Variants in MAB21L4 observed in about 807,000 individuals in gnomAD.
MAB21L4 encodes the protein protein mab-21-like 4.
Under a neutral mutation model 32.4 loss-of-function variants are expected in MAB21L4, and 25 were observed. The ratio of observed to expected loss-of-function variants is 0.77; its 90% CI spans 0.56 to 1.08. The LOEUF is 1.08. Among genes scored for constraint, MAB21L4 ranks in the 50% least tolerant of loss-of-function variants. The pLI, the probability that MAB21L4 is intolerant of heterozygous loss-of-function variation, is 0.00. For missense variants in MAB21L4, 638 were observed against 611.0 expected, an observed-to-expected ratio of 1.04 and a Z score of -0.47; for synonymous variants, 280 against 276.8, an observed-to-expected ratio of 1.01 and a Z score of -0.11.
chr2:240,892,626 G>A (rs868299934), intron 1 of MAB21L4, among the ~76,000 whole-genome samples: 49 of 151,560 alleles, frequency 3.2e-4, no homozygotes, highest in African/African-American at 1.0e-3. Context: ...AGCCACCCCC[G>A]TTTCTGGGCT....
rs1329545640 is a variant in MAB21L4 at position 240,895,587 on chromosome 2, G to A, written c.411C>T (p.Ala137=). Residue 137 remains alanine (A), a synonymous_variant, in exon 1 of 5, where the codon GCC becomes GCT. Transcript: ENST00000388934. ...DTFTASSEGD[A]KCRGHIVPSK... is the part of the protein sequence containing the mutation. ...TGGGCACAATGTGTCCACGGCACTTGGCGTCACCCTCCGAGGAGGCAGTGA... is the reference window on the plus strand; with the variant it reads ...TGGGCACAATGTGTCCACGGCACTTAGCGTCACCCTCCGAGGAGGCAGTGA... 1 of 1,612,626 alleles carries A rather than the reference G, an allele frequency of 6.2e-7. No homozygotes were observed. Among genetic ancestry groups the A allele is most frequent in the African/African-American group, 1.3e-5 (1 of 74,928 alleles).
chr2:240,888,845 G>A (rs964317400), intron 3 of MAB21L4, among the ~76,000 whole-genome samples, 197 bp from the exon 4 acceptor site: 8 of 136,922 alleles, frequency 5.8e-5, no homozygotes, highest in African/African-American at 1.3e-4. Flanking sequence ...GCTGGCTCCC[G>A]AAGGCATGAA....
rs1461668712 is a variant in MAB21L4 at position 240,887,166 on chromosome 2, C to T, written c.1252-4G>A. Reference sequence around the variant, plus strand: ...CCTGGATGTTGAAGACCTGGAACTACAGGCAGGGTTGCAGGGGAGAAGGGT... The same window carrying T: ...CCTGGATGTTGAAGACCTGGAACTATAGGCAGGGTTGCAGGGGAGAAGGGT... On this transcript the variant is annotated splice_region_variant and splice_polypyrimidine_tract_variant and intron_variant, in intron 4 of 4. Coordinates refer to ENST00000388934, the MANE Select transcript of MAB21L4 (RefSeq NM_001085437.3). 1.9e-6 allele frequency: 3 copies of T among 1,613,034 alleles called. No homozygotes were observed. The highest frequency in any genetic ancestry group is 2.5e-6 in the Non-Finnish European group (3 of 1,179,086).
intron 1 of MAB21L4, among the ~76,000 whole-genome samples, chr2:240,894,824 A>C (rs1243891644): frequency 7.6e-6 from 1 of 131,430 alleles, no homozygotes; most frequent in African/African-American, 3.1e-5. Flanking sequence ...AAGGCCCCAG[A>C]GGAGAGACTG....
Position 240,887,009 on chromosome 2 carries a change from T to G in MAB21L4, c.*61A>C. On this transcript the variant is annotated 3_prime_UTR_variant, in exon 5 of 5. Transcript: ENST00000388934. ...TTCCAAACATCCCAGGAGCCTCCCA[T>G]GGTGCAGTGCAGAGTCTGTTGGGGA... The G allele has an allele frequency of 1.6e-6, 2 of 1,263,436 alleles. No homozygotes were observed. The highest frequency in any genetic ancestry group is 2.3e-6 in the Non-Finnish European group (2 of 865,314). The allele number at this position is 1,263,436 out of a possible 1,614,324, so 78.3% of individuals were successfully genotyped here. A position where few individuals can be genotyped will look rare whatever the true frequency, so the allele number is the denominator to read the frequency against.
chr2:240,888,904 A>AGCTCCTCCTTT (rs1269716147), intron 3 of MAB21L4, among the ~76,000 whole-genome samples: 31 of 130,266 alleles, frequency 2.4e-4, no homozygotes, highest in African/African-American at 8.5e-4. Context: ...ACCCCACCCC[A>AGCTCCTCCTTT]GCTCCTCCTT....
intron 1 of MAB21L4, among the ~76,000 whole-genome samples, chr2:240,894,746 C>T (rs557406990): frequency 6.6e-6 from 1 of 152,250 alleles, no homozygotes; most frequent in Admixed American, 6.5e-5. Flanking sequence ...CGGAGTGAGC[C>T]AAGATCGTGC....
chr2:240,888,800 A>G, intron 3 of MAB21L4, 152 bp from the exon 4 acceptor site: 2 of 544,564 alleles, frequency 3.7e-6, no homozygotes, highest in African/African-American at 4.0e-5. Context: ...TCCCAGTCGG[A>G]GTCCCAGGCC....
At position 240,894,217 on chromosome 2, in the gene MAB21L4, C is replaced by A. The variant is rs2059172543; in HGVS notation, c.514+1267G>T. The stretch of plus-strand genomic sequence containing the variant: ...ATGGCCTCTCGCGAAGGTGAGCTGA[C>A]CCCACCCGCTGACCTCACGGAGGAC... On this transcript the variant is annotated intron_variant, in intron 1 of 4. Coordinates refer to ENST00000388934, the MANE Select transcript of MAB21L4 (RefSeq NM_001085437.3). Among the ~76,000 whole-genome samples the A allele has an allele frequency of 2.0e-5, 3 of 152,002 alleles. 1 individual carries two copies. Among genetic ancestry groups the A allele is most frequent in the South Asian group, 4.2e-4 (2 of 4,818 alleles).
At chr2:240,893,574 G>A (rs143653067) in intron 1 of MAB21L4, among the ~76,000 whole-genome samples, 62 of 152,342 alleles carry the variant, frequency 4.1e-4, no homozygotes, top group African/African-American at 1.3e-3. Flanking sequence ...TGGTCTCACC[G>A]GTTCCCAGGG....
intron 2 of MAB21L4, among the ~76,000 whole-genome samples, chr2:240,890,928 G>A (rs1041740984): frequency 6.6e-6 from 1 of 152,244 alleles, no homozygotes; most frequent in Non-Finnish European, 1.5e-5. Context: ...TTCCTTGCAG[G>A]GGAAAACCAC....
At chr2:240,890,723 G>T (rs12464586) in intron 2 of MAB21L4, among the ~76,000 whole-genome samples, 1 of 152,048 alleles carries the variant, frequency 6.6e-6, no homozygotes, top group East Asian at 1.9e-4. Flanking sequence ...AGTGTCCCCC[G>T]CAAGCCTACA....
chr2:240,896,633 G>C (rs1427317620), upstream of MAB21L4, among the ~76,000 whole-genome samples: 1 of 152,188 alleles, frequency 6.6e-6, no homozygotes. Flanking sequence ...CTGCGTCTCT[G>C]CAATGTTCCC....
At chr2:240,890,650 T>TGTTG (rs1278081609) in intron 2 of MAB21L4, among the ~76,000 whole-genome samples, 1 of 152,184 alleles carries the variant, frequency 6.6e-6, no homozygotes, top group Non-Finnish European at 1.5e-5. Context: ...TGGTGGAGCC[T>TGTTG]TGGCAATGCA....
chr2:240,890,185 C>A, intron 2 of MAB21L4, 27 bp from the exon 3 acceptor site: 1 of 1,564,644 alleles, frequency 6.4e-7, no homozygotes, highest in Non-Finnish European at 8.7e-7. Flanking sequence ...CGCACTGGGT[C>A]AGCCCCCGCC....
chr2:240,895,668 G>A lies in MAB21L4; in HGVS notation c.330C>T (p.His110=), dbSNP rs375087355. 48 of 1,612,942 alleles carry A rather than the reference G, an allele frequency of 3.0e-5. No homozygotes were observed. The African/African-American group carries it at 5.7e-4, about 19-fold the overall frequency. Residue 110 remains histidine, a synonymous_variant, in exon 1 of 5, where the codon CAC becomes CAT. Coordinates refer to ENST00000388934, the MANE Select transcript of MAB21L4 (RefSeq NM_001085437.3). Reference sequence around the variant, plus strand: ...CAGCCCCTTCCCTGGGCACACCCAGGTGGCATAATTCAAGGCCATCCTCCG... The same window carrying A: ...CAGCCCCTTCCCTGGGCACACCCAGATGGCATAATTCAAGGCCATCCTCCG... ...TQPEDGLELC[H]LGVPREGAGL... is the part of the protein sequence containing the mutation.
rs115234240 is a variant in MAB21L4, at chr2:240,895,409, C to T, written c.514+75G>A. ...GCAATCACACACATGTGCACTCACA[C>T]ACTTGCACACAGACACCCACACAGC... is the stretch of plus-strand genomic sequence containing the variant. On this transcript the variant is annotated intron_variant, in intron 1 of 4. Coordinates refer to ENST00000388934, the MANE Select transcript of MAB21L4 (RefSeq NM_001085437.3). The T allele has an allele frequency of 1.1e-3, 1,454 of 1,367,596 alleles. 14 individuals carry two copies. In the African/African-American group the frequency reaches 0.02, roughly 18 times the overall value. The allele number at this position is 1,367,596 out of a possible 1,614,324, so 84.7% of individuals were successfully genotyped here.
chr2:240,892,748 C>G (rs879882756), intron 1 of MAB21L4, among the ~76,000 whole-genome samples: 5 of 152,226 alleles, frequency 3.3e-5, no homozygotes, highest in Admixed American at 1.3e-4. Context: ...CCCTGTCCCC[C>G]ACAGGAGGCA....
chr2:240,890,289 C>T lies in MAB21L4; in HGVS notation c.741-131G>A, dbSNP rs112671708. The T allele has an allele frequency of 1.3e-3, 1,453 of 1,152,396 alleles. 9 individuals are homozygous for T. The African/African-American group carries it at 0.02, about 16-fold the overall frequency. 71.4% of individuals were successfully genotyped at this position (1,152,396 alleles called of 1,614,324 possible). On this transcript the variant is annotated intron_variant, in intron 2 of 4. Coordinates refer to ENST00000388934, the MANE Select transcript of MAB21L4 (RefSeq NM_001085437.3). ...GCTGCGTCTGCTGGTGGGACCCAGCCGGAACCCAGGCTTCTCGGGAGCTGC... is the reference window on the plus strand; with the variant it reads ...GCTGCGTCTGCTGGTGGGACCCAGCTGGAACCCAGGCTTCTCGGGAGCTGC...
Sources: gnomAD v4.1 joint callset for allele counts (sites outside exome capture counted in the v4.1 genomes callset) on GRCh38, gnomAD v4.1.1 for gene constraint, MANE v1.5 for transcripts, NCBI Gene and HGNC (gene_info 2026-07-23, HGNC 2026-07-21) for gene names.